RASAL2: variants seen among roughly 807,000 people sequenced by gnomAD.
RASAL2 encodes the protein ras GTPase-activating protein nGAP.
RASAL2 carries 58 observed loss-of-function variants against 128.9 expected under a neutral mutation model. The ratio of observed to expected loss-of-function variants is 0.45; its 90% CI spans 0.36 to 0.56. The LOEUF (loss-of-function observed/expected upper bound fraction) is 0.56. Among genes scored for constraint, RASAL2 ranks in the 20% least tolerant of loss-of-function variants. The probability of loss-of-function intolerance (pLI) is 0.00; values close to 1 mark genes in which losing one functional copy is unlikely to be tolerated. For synonymous variants in RASAL2, 561 were observed against 580.8 expected (o/e 0.97, Z 0.49); for missense variants, 1,360 against 1,601.6 (o/e 0.85, Z 2.57).
At chr1:178,395,128 G>A (rs1324795871) in intron 4 of RASAL2, among the ~76,000 whole-genome samples, 1 of 152,068 alleles carries the variant, frequency 6.6e-6, no homozygotes, top group African/African-American at 2.4e-5. Context: ...TTTCAACTCT[G>A]GCCATACATG....
At chr1:178,340,144 T>C (rs1467679167) in intron 3 of RASAL2, among the ~76,000 whole-genome samples, 3 of 152,126 alleles carry the variant, frequency 2.0e-5, no homozygotes, top group African/African-American at 4.8e-5. Context: ...ATAATACATA[T>C]CTAATGTGTA....
intron 1 of RASAL2, among the ~76,000 whole-genome samples, chr1:178,152,609 G>A (rs1660950697): frequency 6.6e-6 from 1 of 152,084 alleles, no homozygotes; most frequent in Admixed American, 6.6e-5. Flanking sequence ...AGGTTGCAGT[G>A]AGCCGAGATT....
At chr1:178,468,901 A>G (rs1044885152) in intron 17 of RASAL2, among the ~76,000 whole-genome samples, 1 of 152,240 alleles carries the variant, frequency 6.6e-6, no homozygotes, top group Admixed American at 6.5e-5. Context: ...AAATTTCAAT[A>G]TAACAATATA....
At chr1:178,210,943 A>G (rs1223287953) in intron 1 of RASAL2, among the ~76,000 whole-genome samples, 1 of 152,130 alleles carries the variant, frequency 6.6e-6, no homozygotes, top group Non-Finnish European at 1.5e-5. Flanking sequence ...TACAAATCTC[A>G]TTTACTTATG....
At chr1:178,408,619 G>GTTTTTTTTTTTTTTTTTTTTTT (rs1012370223) in intron 4 of RASAL2, among the ~76,000 whole-genome samples, 1 of 143,254 alleles carries the variant, frequency 7.0e-6, no homozygotes, top group African/African-American at 2.8e-5. Context: ...TTTGTTTTTT[G>GTTTTTTTTTTTTTTTTTTTTTT]TTTTTTGTTT....
At position 178,327,389 on chromosome 1, in the gene RASAL2, A is replaced by ATGGG. The variant is rs1669087269; in HGVS notation, c.457+27271_457+27272insTGGG. Among the ~76,000 whole-genome samples the ATGGG allele has an allele frequency of 5.9e-5, 9 of 152,222 alleles. No homozygotes were observed. The South Asian group carries it at 1.9e-3, about 32-fold the overall frequency. On this transcript the variant is annotated intron_variant, in intron 3 of 17. Coordinates refer to ENST00000367649, the MANE Select transcript of RASAL2 (RefSeq NM_170692.4). ...GAGAAAGGGTCTTACTCTGTCACCC[A>ATGGG]GGCTGGAGTGCAGTGGCATGATCTT...
At position 178,458,244 on chromosome 1, in the gene RASAL2, C is replaced by T. The variant is rs747461495; in HGVS notation, c.2952C>T (p.Asp984=). 1.2e-6 allele frequency: 2 copies of T among 1,614,134 alleles called. No individual in the cohort carries two copies. Among genetic ancestry groups the T allele is most frequent in the Non-Finnish European group, 8.5e-7 (1 of 1,180,056 alleles). Residue 984 remains aspartate, a synonymous_variant, in exon 14 of 18, where the codon GAC becomes GAT. Coordinates refer to ENST00000367649, the MANE Select transcript of RASAL2 (RefSeq NM_170692.4). The part of the protein sequence containing the change: ...DFTKRSTQSE[D]FSRRHTVPDR... ...CTAAACGTAGCACTCAGAGTGAGGACTTCTCCAGGCGGCACACGGTGCCAG... is the reference window on the plus strand; with the variant it reads ...CTAAACGTAGCACTCAGAGTGAGGATTTCTCCAGGCGGCACACGGTGCCAG...
chr1:178,452,921 A>T (rs1677487102), intron 11 of RASAL2, among the ~76,000 whole-genome samples: 1 of 152,194 alleles, frequency 6.6e-6, no homozygotes, highest in African/African-American at 2.4e-5. Flanking sequence ...AGATAAAATT[A>T]TATTAAAAGT....
chr1:178,302,990 C>T (rs1385959243), intron 3 of RASAL2, among the ~76,000 whole-genome samples: 1 of 151,852 alleles, frequency 6.6e-6, no homozygotes, highest in Non-Finnish European at 1.5e-5. Flanking sequence ...GCACTCCAGC[C>T]TGGGAGACAG....
At chr1:178,310,699 A>G (rs1668203023) in intron 3 of RASAL2, among the ~76,000 whole-genome samples, 1 of 152,166 alleles carries the variant, frequency 6.6e-6, no homozygotes, top group South Asian at 2.1e-4. Flanking sequence ...ATTTTAGCAC[A>G]GTGGAGATTT....
In RASAL2 at chr1:178,130,300, CT is replaced by C. The variant is rs571689333; in HGVS notation, c.202+35609del. ...AATTGGCAGGTCATATGACTTTGGA[CT>C]TTGGAGGTTGAAGGTTAAAAGAAAA... On this transcript the variant is annotated intron_variant, in intron 1 of 17. Transcript: ENST00000367649. Among the ~76,000 whole-genome samples the C allele has an allele frequency of 2.4e-3, 368 of 152,164 alleles. 1 individual carries two copies. Among genetic ancestry groups the C allele is most frequent in the African/African-American group, 8.6e-3 (357 of 41,514 alleles).
chr1:178,415,381 T>G (rs1032336263), intron 4 of RASAL2, among the ~76,000 whole-genome samples: 1 of 152,128 alleles, frequency 6.6e-6, no homozygotes, highest in African/African-American at 2.4e-5. Context: ...GATTTTCTAG[T>G]CATCTTTCTA....
chr1:178,261,596 C>T lies in RASAL2; in HGVS notation c.203-21968C>T, dbSNP rs74128898. Reference sequence around the variant, plus strand: ...GCTCTGTGTTACTAAAAGAGTACTTCATAACACAGAGGAACATAACTGTAA... The same window carrying T: ...GCTCTGTGTTACTAAAAGAGTACTTTATAACACAGAGGAACATAACTGTAA... On this transcript the variant is annotated intron_variant, in intron 1 of 17. Coordinates refer to ENST00000367649, the MANE Select transcript of RASAL2 (RefSeq NM_170692.4). Among the ~76,000 whole-genome samples the T allele has an allele frequency of 5.6e-3, 845 of 152,220 alleles. 11 individuals carry two copies. Among genetic ancestry groups the T allele is most frequent in the African/African-American group, 0.019 (792 of 41,532 alleles).
intron 3 of RASAL2, among the ~76,000 whole-genome samples, chr1:178,348,665 C>T (rs562800530): frequency 7.9e-5 from 12 of 152,128 alleles, no homozygotes; most frequent in Admixed American, 2.0e-4. Context: ...CTATTATAAG[C>T]GCTCCAGTTT....
chr1:178,233,409 G>A (rs944320723), intron 1 of RASAL2, among the ~76,000 whole-genome samples: 11 of 152,280 alleles, frequency 7.2e-5, no homozygotes, highest in Admixed American at 7.2e-4. Context: ...TCCATGGTGT[G>A]GTCCAGTGAA....
At chr1:178,105,259 G>A (rs1465115613) in intron 1 of RASAL2, among the ~76,000 whole-genome samples, 2 of 152,200 alleles carry the variant, frequency 1.3e-5, no homozygotes, top group East Asian at 3.9e-4. Flanking sequence ...AAAAATAATG[G>A]CAGGAATAGG....
At chr1:178,251,852 C>A (rs1665069503) in intron 1 of RASAL2, among the ~76,000 whole-genome samples, 1 of 152,084 alleles carries the variant, frequency 6.6e-6, no homozygotes, top group Non-Finnish European at 1.5e-5. Context: ...AAGATGGTTG[C>A]AAATATAGTC....
intron 3 of RASAL2, among the ~76,000 whole-genome samples, chr1:178,359,912 G>A (rs1431139913): frequency 6.6e-6 from 1 of 152,082 alleles, no homozygotes; most frequent in Non-Finnish European, 1.5e-5. Context: ...TTGCAATTTT[G>A]TGATTTTTTT....
intron 4 of RASAL2, among the ~76,000 whole-genome samples, chr1:178,416,484 ATTAC>A (rs1248711921): frequency 1.3e-5 from 2 of 151,922 alleles, no homozygotes; most frequent in South Asian, 2.1e-4. Context: ...CATTGTTGTT[ATTAC>A]TTCAATATTA....
Sources: gnomAD v4.1 joint callset for allele counts (sites outside exome capture counted in the v4.1 genomes callset) on GRCh38, gnomAD v4.1.1 for gene constraint, MANE v1.5 for transcripts, NCBI Gene and HGNC (gene_info 2026-07-23, HGNC 2026-07-21) for gene names.